Variants in MTRF1 observed in about 807,000 individuals in gnomAD.
MTRF1 encodes the protein mitochondrial translation release factor 1.
MTRF1 carries 51 observed loss-of-function variants against 62.9 expected under a neutral mutation model. That is an observed-to-expected ratio of 0.81 (90% CI 0.65 to 1.02). The LOEUF (loss-of-function observed/expected upper bound fraction) is 1.02. MTRF1 is among the 50% of genes least tolerant of loss of function. The pLI, the probability that MTRF1 is intolerant of heterozygous loss-of-function variation, is 0.00. For synonymous variants in MTRF1, 158 were observed against 181.9 expected (o/e 0.87, Z 1.06); for missense variants, 446 against 530.0 (o/e 0.84, Z 1.56).
At chr13:41,284,436 T>C in the MTRF1 span, among the ~76,000 whole-genome samples, 1 of 150,478 alleles carries the variant, frequency 6.6e-6, no homozygotes, top group South Asian at 2.1e-4. Context: ...TAAGCAGAGA[T>C]TGCACTCTAG....
At chr13:41,220,191 A>G (rs1038420222) in intron 9 of MTRF1, among the ~76,000 whole-genome samples, 1 of 151,112 alleles carries the variant, frequency 6.6e-6, no homozygotes, top group Non-Finnish European at 1.5e-5. Flanking sequence ...TTAGCCAGGC[A>G]TGGTGGTACA....
intron 1 of MTRF1, among the ~76,000 whole-genome samples, chr13:41,262,995 T>C (rs1045383957): frequency 6.6e-6 from 1 of 152,198 alleles, no homozygotes; most frequent in Non-Finnish European, 1.5e-5. Flanking sequence ...TTTAGGATAC[T>C]GCATCACATT....
chr13:41,304,647 G>T, the MTRF1 span, among the ~76,000 whole-genome samples: 1 of 152,152 alleles, frequency 6.6e-6, no homozygotes. Flanking sequence ...TATATAGAAA[G>T]TACCTACCCA....
intron 3 of MTRF1, 45 bp downstream of exon 3, chr13:41,254,484 C>T: frequency 7.0e-7 from 1 of 1,430,764 alleles, no homozygotes; most frequent in Non-Finnish European, 9.8e-7. Context: ...AAACAGCATT[C>T]CTTTATACAG....
intron 5 of MTRF1, among the ~76,000 whole-genome samples, chr13:41,243,487 A>G (rs1357156410): frequency 6.6e-6 from 1 of 151,334 alleles, no homozygotes; most frequent in Non-Finnish European, 1.5e-5. Context: ...GTGGGCAGGT[A>G]TCATCTGGTC....
intron 5 of MTRF1, 25 bp downstream of exon 5, chr13:41,252,620 C>A (rs375091502): frequency 1.2e-5 from 19 of 1,541,922 alleles, no homozygotes; most frequent in Non-Finnish European, 1.7e-5. Context: ...GTATCTCCTA[C>A]AGGCAAATTC....
chr13:41,238,905 C>G (rs1329874382), intron 6 of MTRF1, among the ~76,000 whole-genome samples: 1 of 151,864 alleles, frequency 6.6e-6, no homozygotes, highest in Non-Finnish European at 1.5e-5. Flanking sequence ...CAACATAATA[C>G]AGAGGATAAA....
chr13:41,234,218 C>G (rs1259988322), intron 6 of MTRF1, among the ~76,000 whole-genome samples: 1 of 152,212 alleles, frequency 6.6e-6, no homozygotes. Flanking sequence ...CCCTCTGTTG[C>G]CTAGGCTGGA....
At chr13:41,292,636 G>T in the MTRF1 span, among the ~76,000 whole-genome samples, 8 of 150,872 alleles carry the variant, frequency 5.3e-5, no homozygotes, top group African/African-American at 2.0e-4. Flanking sequence ...TGAAAAGAAG[G>T]GTAAAATTGA....
At chr13:41,266,299 T>C (rs963848098), upstream of MTRF1, among the ~76,000 whole-genome samples, 1 of 152,162 alleles carries the variant, frequency 6.6e-6, no homozygotes, top group Non-Finnish European at 1.5e-5. Context: ...TTATTCTGAC[T>C]ATGCAGAACA....
chr13:41,291,693 T>C, the MTRF1 span, among the ~76,000 whole-genome samples: 3 of 152,086 alleles, frequency 2.0e-5, no homozygotes, highest in Non-Finnish European at 2.9e-5. Context: ...GGGAAAGGTA[T>C]TTAAATGTAG....
In MTRF1 at chr13:41,261,811, C is replaced by T. The variant is rs187025669; in HGVS notation, c.-8-896G>A. The T allele has an allele frequency of 2.0e-4, 194 of 984,892 alleles. No homozygotes were observed. In the African/African-American group the frequency reaches 2.5e-3, roughly 13 times the overall value. 61.0% of individuals were successfully genotyped at this position (984,892 alleles called of 1,614,324 possible). A position where few individuals can be genotyped will look rare whatever the true frequency, so the allele number is the denominator to read the frequency against. ...GCAATCACTTTTCAAAAATGCTTCCCGTTTAGCTGAGATCCTAAAGGAAGA... is the reference window on the plus strand; with the variant it reads ...GCAATCACTTTTCAAAAATGCTTCCTGTTTAGCTGAGATCCTAAAGGAAGA... On this transcript the variant is annotated intron_variant, in intron 1 of 9. Coordinates refer to ENST00000379480, the MANE Select transcript of MTRF1 (RefSeq NM_004294.4).
At chr13:41,266,949 CA>C (rs1331998763), upstream of MTRF1, among the ~76,000 whole-genome samples, 3 of 136,274 alleles carry the variant, frequency 2.2e-5, no homozygotes, top group Non-Finnish European at 4.5e-5. Context: ...GAGCTGAGAT[CA>C]GGGGCCACTG....
chr13:41,272,116 G>T, the MTRF1 span, among the ~76,000 whole-genome samples: 2 of 152,112 alleles, frequency 1.3e-5, no homozygotes, highest in Non-Finnish European at 2.9e-5. Flanking sequence ...AAAGAGATCA[G>T]GTCATGTAAA....
chr13:41,235,890 T>C (rs2138879662), intron 6 of MTRF1: 1 of 151,318 alleles, frequency 6.6e-6, no homozygotes. Context: ...ACGAATATGT[T>C]TTTATTTTGT....
chr13:41,236,475 A>T lies in MTRF1; in HGVS notation c.871-2468T>A, dbSNP rs550486220. On this transcript the variant is annotated intron_variant, in intron 6 of 9. Transcript: ENST00000379480. ...TTTTGTTCCACATTCATCATTTATT[A>T]GTGTGAATGACAGAAAGCAGATGTG... 5.9e-5 allele frequency: 9 copies of T among 152,312 alleles called. No individual in the cohort carries two copies. The East Asian group carries it at 9.6e-4, about 16-fold the overall frequency. 9.4% of individuals were successfully genotyped at this position (152,312 alleles called of 1,614,324 possible).
chr13:41,228,098 T>G (rs2034797327), intron 7 of MTRF1, among the ~76,000 whole-genome samples: 4 of 152,264 alleles, frequency 2.6e-5, no homozygotes, highest in Admixed American at 2.6e-4. Flanking sequence ...GTATTATTCC[T>G]ATCTACTCAC....
At chr13:41,242,083 A>G (rs982736536) in intron 5 of MTRF1, among the ~76,000 whole-genome samples, 1 of 152,194 alleles carries the variant, frequency 6.6e-6, no homozygotes, top group South Asian at 2.1e-4. Context: ...AGCAAGATAA[A>G]TGTTTGATTC....
chr13:41,246,032 T>G (rs771398166), intron 5 of MTRF1, among the ~76,000 whole-genome samples: 1 of 118,108 alleles, frequency 8.5e-6, no homozygotes, highest in Middle Eastern at 3.8e-3. Flanking sequence ...TAAATCTCCT[T>G]ACCTACAGCC....
Sources: allele counts gnomAD v4.1 joint callset (sites outside exome capture counted in the v4.1 genomes callset), GRCh38; gene constraint gnomAD v4.1.1; transcripts MANE v1.5; gene names NCBI Gene and HGNC (gene_info 2026-07-23, HGNC 2026-07-21).